The following HERC4 variants were observed in gnomAD, a reference collection of about 807,000 sequenced individuals.
The protein encoded by HERC4 is probable E3 ubiquitin-protein ligase HERC4.
A neutral mutation model predicts 124.3 loss-of-function variants in HERC4; 28 were observed. The ratio of observed to expected loss-of-function variants is 0.23; its 90% CI spans 0.17 to 0.31. The LOEUF (loss-of-function observed/expected upper bound fraction) is 0.31. Among genes scored for constraint, HERC4 ranks in the 10% least tolerant of loss-of-function variants. The pLI is 1.00. For synonymous variants in HERC4, 407 were observed against 421.5 expected, an observed-to-expected ratio of 0.97 and a Z score of 0.42; for missense variants, 713 against 1,229.3, an observed-to-expected ratio of 0.58 and a Z score of 6.28.
intron 19 of HERC4, among the ~76,000 whole-genome samples, chr10:67,947,089 A>C (rs2033423845): frequency 1.3e-5 from 2 of 152,196 alleles, no homozygotes; most frequent in Non-Finnish European, 2.9e-5. Context: ...TCAATGAAGA[A>C]ACATTGGACT....
chr10:67,946,141 T>G (rs1460502242), intron 19 of HERC4, among the ~76,000 whole-genome samples: 1 of 151,710 alleles, frequency 6.6e-6, no homozygotes, highest in Non-Finnish European at 1.5e-5. Flanking sequence ...TAGTCCTAGC[T>G]GCTTGGTGGC....
intron 3 of HERC4, among the ~76,000 whole-genome samples, chr10:68,059,320 G>C (rs1449846730): frequency 6.6e-6 from 1 of 150,396 alleles, no homozygotes; most frequent in Non-Finnish European, 1.5e-5. Flanking sequence ...ATCCATAAAT[G>C]TGGTTTTCAT....
chr10:67,991,248 T>C, intron 11 of HERC4, 49 bp from the exon 12 acceptor site: 1 of 1,060,666 alleles, frequency 9.4e-7, no homozygotes, highest in Non-Finnish European at 1.3e-6. Flanking sequence ...GAAATTTAAT[T>C]GTTTACCCTT....
intron 3 of HERC4, among the ~76,000 whole-genome samples, chr10:68,060,528 C>T (rs945113209): frequency 6.6e-6 from 1 of 152,098 alleles, no homozygotes; most frequent in African/African-American, 2.4e-5. Context: ...CGTGAGCCAC[C>T]GCGTCCAGCC....
intron 3 of HERC4, among the ~76,000 whole-genome samples, chr10:68,067,460 T>C (rs1303444333): frequency 6.6e-6 from 1 of 152,260 alleles, no homozygotes; most frequent in East Asian, 1.9e-4. Context: ...TGAGCTTCTT[T>C]GGTTTAAATG....
At chr10:68,030,430 G>A (rs2039144312) in intron 7 of HERC4, among the ~76,000 whole-genome samples, 1 of 152,188 alleles carries the variant, frequency 6.6e-6, no homozygotes, top group South Asian at 2.1e-4. Flanking sequence ...GACAGAGTGA[G>A]ACCGTGTCCA....
chr10:68,059,846 A>G (rs10997921), intron 3 of HERC4, among the ~76,000 whole-genome samples: 2 of 85,150 alleles, frequency 2.3e-5, no homozygotes, highest in Admixed American at 2.0e-4. Flanking sequence ...ATTATAATAT[A>G]TTATATATCA....
intron 4 of HERC4, chr10:68,039,832 G>GGA (rs2039670597): frequency 9.8e-7 from 1 of 1,018,536 alleles, no homozygotes; most frequent in Non-Finnish European, 1.2e-6. Flanking sequence ...GACCTGTTCA[G>GGA]CATATTAAGT....
chr10:68,053,886 A>G (rs932317873), intron 3 of HERC4, among the ~76,000 whole-genome samples: 4 of 152,204 alleles, frequency 2.6e-5, no homozygotes, highest in Non-Finnish European at 4.4e-5. Flanking sequence ...TAGAATCAAT[A>G]GCTTTATGAA....
intron 3 of HERC4, among the ~76,000 whole-genome samples, chr10:68,063,927 G>A (rs1031345485): frequency 7.3e-5 from 11 of 150,082 alleles, no homozygotes; most frequent in Non-Finnish European, 1.5e-4. Context: ...CAACAAGAGC[G>A]AAACTCCGTC....
intron 8 of HERC4, among the ~76,000 whole-genome samples, chr10:68,023,800 T>C (rs1367694305): frequency 6.6e-6 from 1 of 152,204 alleles, no homozygotes; most frequent in Admixed American, 6.5e-5. Context: ...AACATTATAC[T>C]GTCCTCCACA....
At chr10:67,938,021 A>G (rs2032520082) in intron 21 of HERC4, among the ~76,000 whole-genome samples, 1 of 152,048 alleles carries the variant, frequency 6.6e-6, no homozygotes, top group Non-Finnish European at 1.5e-5. Flanking sequence ...AATTATGAAC[A>G]TGCAATTTTT....
At chr10:67,988,898 T>C (rs1267119191) in intron 14 of HERC4, 63 bp from the exon 15 acceptor site, 1 of 1,326,250 alleles carries the variant, frequency 7.5e-7, no homozygotes, top group Non-Finnish European at 1.1e-6. Context: ...ATTTTCAAAA[T>C]CATACTGACT....
At chr10:68,015,045 G>T (rs1324219903) in intron 8 of HERC4, among the ~76,000 whole-genome samples, 1 of 152,138 alleles carries the variant, frequency 6.6e-6, no homozygotes, top group African/African-American at 2.4e-5. Context: ...TATTACAGTT[G>T]TTCCCAGCAA....
intron 8 of HERC4, among the ~76,000 whole-genome samples, chr10:68,015,141 C>G (rs2038186268): frequency 6.6e-6 from 1 of 151,764 alleles, no homozygotes; most frequent in Non-Finnish European, 1.5e-5. Context: ...TGTCTCAGTT[C>G]CGAGCCTTTG....
chr10:67,957,755 C>T (rs907514392), intron 16 of HERC4, among the ~76,000 whole-genome samples: 1 of 152,138 alleles, frequency 6.6e-6, no homozygotes, highest in African/African-American at 2.4e-5. Context: ...AGAATTAATA[C>T]ACCCTAAAAC....
intron 3 of HERC4, among the ~76,000 whole-genome samples, chr10:68,063,079 C>T (rs1283161202): frequency 6.6e-6 from 1 of 152,168 alleles, no homozygotes; most frequent in African/African-American, 2.4e-5. Flanking sequence ...CTTGTTTATA[C>T]ATCCTGTAAC....
At chr10:68,065,493 A>C (rs923051105) in intron 3 of HERC4, among the ~76,000 whole-genome samples, 1 of 152,196 alleles carries the variant, frequency 6.6e-6, no homozygotes, top group African/African-American at 2.4e-5. Context: ...ATGAACACAA[A>C]AGAGTAAATC....
intron 9 of HERC4, among the ~76,000 whole-genome samples, chr10:68,009,491 C>T (rs531743308): frequency 6.6e-6 from 1 of 152,242 alleles, no homozygotes; most frequent in Admixed American, 6.5e-5. Context: ...TTTAAAATCA[C>T]TTTATTGCTA....
Sources: allele counts gnomAD v4.1 joint callset (sites outside exome capture counted in the v4.1 genomes callset), GRCh38; gene constraint gnomAD v4.1.1; transcripts MANE v1.5; gene names NCBI Gene and HGNC (gene_info 2026-07-23, HGNC 2026-07-21).